Variants in PIH1D1 observed in about 807,000 individuals in gnomAD.
PIH1D1 encodes PIH1 domain containing 1.
Under a neutral mutation model 38.5 loss-of-function variants are expected in PIH1D1, and 28 were observed. That is an observed-to-expected ratio of 0.73 (90% CI 0.54 to 1.00). PIH1D1 has a LOEUF of 1.00. Among genes scored for constraint, PIH1D1 ranks in the 50% least tolerant of loss-of-function variants. The probability of loss-of-function intolerance (pLI) is 0.00; values close to 1 mark genes in which losing one functional copy is unlikely to be tolerated. For synonymous variants in PIH1D1, 155 were observed against 153.5 expected (o/e 1.01, Z -0.07); for missense variants, 343 against 369.9 (o/e 0.93, Z 0.60).
intron 1 of PIH1D1, 54 bp downstream of exon 1, chr19:49,451,431 G>C (rs1432384528): frequency 5.0e-6 from 8 of 1,609,142 alleles, no homozygotes; most frequent in East Asian, 4.5e-5. Flanking sequence ...CCATCTTTGA[G>C]CACCCCGCCA....
intron 2 of PIH1D1, among the ~76,000 whole-genome samples, 161 bp from the exon 3 acceptor site, chr19:49,449,815 G>A (rs1386897357): frequency 7.8e-6 from 1 of 127,820 alleles, no homozygotes; most frequent in Non-Finnish European, 1.6e-5. Context: ...TTTTTTTTGA[G>A]ACAGACTCTC....
intron 3 of PIH1D1, among the ~76,000 whole-genome samples, chr19:49,448,794 C>G (rs1243000932): frequency 6.6e-6 from 1 of 151,602 alleles, no homozygotes; most frequent in Non-Finnish European, 1.5e-5. Flanking sequence ...CAGAAAGCTT[C>G]AAGAGACATA....
chr19:49,448,091 C>G, intron 3 of PIH1D1, 29 bp from the exon 4 acceptor site: 1 of 1,611,922 alleles, frequency 6.2e-7, no homozygotes, highest in South Asian at 1.1e-5. Context: ...GGTGAGGACC[C>G]CCCAGCCCTC....
chr19:49,446,445 A>G, intron 8 of PIH1D1, 22 bp from the exon 9 acceptor site: 1 of 1,182,222 alleles, frequency 8.5e-7, no homozygotes, highest in Non-Finnish European at 1.3e-6. Flanking sequence ...GAGCAAAGAG[A>G]ATGAGGATCC....
intron 5 of PIH1D1, 56 bp from the exon 6 acceptor site, chr19:49,447,523 G>A: frequency 1.9e-6 from 3 of 1,589,834 alleles, no homozygotes; most frequent in Non-Finnish European, 8.5e-7. Flanking sequence ...CTTTGTGGGG[G>A]CCAAGAGCCT....
chr19:49,447,277 G>C, intron 6 of PIH1D1, 61 bp downstream of exon 6: 1 of 1,601,212 alleles, frequency 6.2e-7, no homozygotes, highest in Non-Finnish European at 8.5e-7. Flanking sequence ...TGGGAGGATG[G>C]AGGGAGGGAT....
chr19:49,451,219 C>T (rs2079057496), intron 1 of PIH1D1: 2 of 472,400 alleles, frequency 4.2e-6, no homozygotes, highest in Non-Finnish European at 7.6e-6. Flanking sequence ...TTAGTAGAGA[C>T]GGGGTTTCAC....
In PIH1D1 at chr19:49,451,058, C is replaced by G. The variant is rs949651768; in HGVS notation, c.91-210G>C. ...TTTTTTTTTTTTTTGGAGACGGAGT[C>G]TCACTCTGTCGCCCAGGCTGGAGTG... is the stretch of plus-strand genomic sequence containing the variant. On this transcript the variant is annotated intron_variant, in intron 1 of 8. Transcript: ENST00000262265. 6.5e-5 allele frequency: 57 copies of G among 881,508 alleles called. No homozygotes were observed. In the African/African-American group the frequency reaches 1.1e-3, roughly 17 times the overall value. The allele number at this position is 881,508 out of a possible 1,614,324, so 54.6% of individuals were successfully genotyped here.
At chr19:49,446,990 A>G (rs367839801) in intron 7 of PIH1D1, 34 bp downstream of exon 7, 2 of 1,548,706 alleles carry the variant, frequency 1.3e-6, no homozygotes, top group African/African-American at 2.7e-5. Flanking sequence ...TCCAGACCTC[A>G]TTCCCCTGCT....
chr19:49,446,808 A>T (rs748787239), intron 7 of PIH1D1, 114 bp from the exon 8 acceptor site: 1 of 1,233,968 alleles, frequency 8.1e-7, no homozygotes, highest in East Asian at 2.3e-5. Context: ...ATCTCCCAGG[A>T]AGAGACAGAA....
intron 1 of PIH1D1, 57 bp downstream of exon 1, chr19:49,451,428 T>G (rs1387659701): frequency 1.9e-6 from 3 of 1,609,404 alleles, no homozygotes; most frequent in Non-Finnish European, 2.5e-6. Context: ...GTCCCATCTT[T>G]GAGCACCCCG....
intron 5 of PIH1D1, 171 bp from the exon 6 acceptor site, chr19:49,447,638 T>C (rs1600999648): frequency 1.1e-6 from 1 of 921,272 alleles, no homozygotes; most frequent in East Asian, 2.5e-5. Context: ...CCTCCCATGA[T>C]ATGCCCCAAT....
At chr19:49,446,805 A>G in intron 7 of PIH1D1, 111 bp from the exon 8 acceptor site, 2 of 1,253,578 alleles carry the variant, frequency 1.6e-6, no homozygotes, top group Non-Finnish European at 2.2e-6. Context: ...CTAATCTCCC[A>G]GGAAGAGACA....
chr19:49,447,472 G>C lies in PIH1D1; in HGVS notation c.482-5C>G, dbSNP rs1352389120. 5 of 1,607,640 alleles carry C rather than the reference G, an allele frequency of 3.1e-6. No individual in the cohort carries two copies. The South Asian group carries it at 5.5e-5, about 18-fold the overall frequency. ...GGTTCTTCATCATGCGCCATTCTGA[G>C]GGTCAGGAGCGCCGTCAAACATCGT... On this transcript the variant is annotated splice_polypyrimidine_tract_variant and splice_region_variant and intron_variant, in intron 5 of 8. Coordinates refer to ENST00000262265, the MANE Select transcript of PIH1D1 (RefSeq NM_017916.3).
At chr19:49,451,415 G>A (rs182869508) in intron 1 of PIH1D1, 70 bp downstream of exon 1, 3 of 1,600,172 alleles carry the variant, frequency 1.9e-6, no homozygotes, top group East Asian at 2.2e-5. Flanking sequence ...TCTGGGAACT[G>A]CAGTCCCATC....
intron 3 of PIH1D1, 181 bp downstream of exon 3, chr19:49,449,294 A>C (rs2079043496): frequency 1.4e-6 from 1 of 723,522 alleles, no homozygotes; most frequent in African/African-American, 1.7e-5. Context: ...AGGTGGCAGA[A>C]CCAGGACTGC....
At chr19:49,450,901 C>A (rs201341506) in intron 1 of PIH1D1, 53 bp from the exon 2 acceptor site, 30 of 1,612,120 alleles carry the variant, frequency 1.9e-5, no homozygotes, top group Non-Finnish European at 2.5e-5. Flanking sequence ...TCAGACCCCT[C>A]ATTTGTTCCT....
chr19:49,451,299 G>GA (rs1192112451), intron 1 of PIH1D1, 186 bp downstream of exon 1: 1 of 732,794 alleles, frequency 1.4e-6, no homozygotes, highest in Non-Finnish European at 2.2e-6. Context: ...AAAGTGGTGG[G>GA]ATTACAGGTG....
chr19:49,450,692 TAG>T, intron 2 of PIH1D1, 88 bp downstream of exon 2: 7 of 107,072 alleles, frequency 6.5e-5, no homozygotes, highest in East Asian at 1.6e-4. Flanking sequence ...ACCCCCACCC[TAG>T]GCCTTTATTT....
Sources: allele counts gnomAD v4.1 joint callset (sites outside exome capture counted in the v4.1 genomes callset), GRCh38; gene constraint gnomAD v4.1.1; transcripts MANE v1.5; gene names NCBI Gene and HGNC (gene_info 2026-07-23, HGNC 2026-07-21).